TRIM72: variants seen among roughly 807,000 people sequenced by gnomAD.
TRIM72 encodes the protein tripartite motif-containing protein 72.
Under a neutral mutation model 31.6 loss-of-function variants are expected in TRIM72, and 33 were observed. The ratio of observed to expected loss-of-function variants is 1.04; its 90% CI spans 0.79 to 1.40. The LOEUF is 1.40. TRIM72 is among the 40% of genes most tolerant of loss of function. The pLI, the probability that TRIM72 is intolerant of heterozygous loss-of-function variation, is 0.00. For missense variants in TRIM72, 666 were observed against 682.7 expected, an observed-to-expected ratio of 0.98 and a Z score of 0.27; for synonymous variants, 301 against 314.4, an observed-to-expected ratio of 0.96 and a Z score of 0.45.
chr16:31,223,190 G>A (rs568824480), intron 6 of TRIM72, among the ~76,000 whole-genome samples: 63 of 152,294 alleles, frequency 4.1e-4, no homozygotes, highest in African/African-American at 1.5e-3. Flanking sequence ...ACGGGACGCT[G>A]GGGCCTAGGT....
chr16:31,224,106 T>C lies in TRIM72; in HGVS notation c.860-75T>C, dbSNP rs2079544757. On this transcript the variant is annotated intron_variant, in intron 6 of 6. Transcript: ENST00000322122. Reference sequence around the variant, plus strand: ...CCAAGAGGATTAGGGGAGAGAAAGCTGGCCTGCAATTGGTTGGGAGAAGAC... The same window carrying C: ...CCAAGAGGATTAGGGGAGAGAAAGCCGGCCTGCAATTGGTTGGGAGAAGAC... 5.3e-6 allele frequency: 8 copies of C among 1,507,060 alleles called. No homozygotes were observed. The East Asian group carries it at 1.7e-4, about 32-fold the overall frequency. 93.4% of individuals were successfully genotyped at this position (1,507,060 alleles called of 1,614,324 possible).
In TRIM72 at chr16:31,216,274, T is replaced by A. The variant is rs2079507851; in HGVS notation, c.390+1146T>A. On this transcript the variant is annotated intron_variant, in intron 2 of 6. Transcript: ENST00000322122. The surrounding 1 kb of genome is among the most constrained non-coding windows in gnomAD (Gnocchi z 6.7). ...AGCCCAGTCCTAGCTGGTGGTCTCC[T>A]AGCTCAGGGCAGGAGCCTCCTCCCG... 6.5e-6 allele frequency: 1 copy of A among 154,930 alleles called. No homozygotes were observed. Among genetic ancestry groups the A allele is most frequent in the Non-Finnish European group, 1.4e-5 (1 of 69,980 alleles). 9.6% of individuals were successfully genotyped at this position (154,930 alleles called of 1,614,324 possible). A position where few individuals can be genotyped will look rare whatever the true frequency, so the allele number is the denominator to read the frequency against.
At chr16:31,217,486 CAA>C (rs61369552) in intron 2 of TRIM72, 266 of 50,290 alleles carry the variant, frequency 5.3e-3, no homozygotes, top group African/African-American at 0.016. Context: ...ATCCTGTCTC[CAA>C]AAAAAAAAAA....
intron 4 of TRIM72, among the ~76,000 whole-genome samples, chr16:31,220,617 T>C (rs1246124431): frequency 2.0e-5 from 3 of 151,618 alleles, no homozygotes; most frequent in Non-Finnish European, 4.4e-5. Context: ...TACAGGTGCC[T>C]GCCACCATGC....
chr16:31,219,666 T>C lies in TRIM72; in HGVS notation c.717+147T>C. On this transcript the variant is annotated intron_variant, in intron 4 of 6. Coordinates refer to ENST00000322122, the MANE Select transcript of TRIM72 (RefSeq NM_001008274.4). The surrounding 1 kb of genome is among the most constrained non-coding windows in gnomAD (Gnocchi z 4.2). ...GGCAGGCCTCAGGACTGCTATATGG[T>C]TGTTTAGGTTGAGCACTGCATAAGG... is the stretch of plus-strand genomic sequence containing the variant. 1.4e-6 allele frequency: 1 copy of C among 707,588 alleles called. No homozygotes were observed. The highest frequency in any genetic ancestry group is 2.4e-6 in the Non-Finnish European group (1 of 409,278). The allele number at this position is 707,588 out of a possible 1,614,324, so 43.8% of individuals were successfully genotyped here. A position where few individuals can be genotyped will look rare whatever the true frequency, so the allele number is the denominator to read the frequency against.
intron 6 of TRIM72, among the ~76,000 whole-genome samples, chr16:31,223,947 A>G (rs959339181): frequency 9.9e-5 from 15 of 152,054 alleles, no homozygotes; most frequent in African/African-American, 3.6e-4. Flanking sequence ...AACAATAACA[A>G]CAACAAAAAC....
intron 2 of TRIM72, chr16:31,217,002 C>G (rs1230460451): frequency 1.2e-6 from 2 of 1,613,614 alleles, no homozygotes; most frequent in African/African-American, 2.7e-5. Context: ...CCAGCACCTT[C>G]AGGATGGCCT....
In TRIM72 at chr16:31,219,243, C is replaced by T; in HGVS notation, c.487-46C>T. On this transcript the variant is annotated intron_variant, in intron 3 of 6. Transcript: ENST00000322122. This position sits in a 1 kb window ranked among gnomAD's most constrained non-coding sequence, Gnocchi z 4.2. Reference sequence around the variant, plus strand: ...GGGCTGGGGGCCAGGCTAGGGGTCTCCAGCCAAGAGTCTTTATCCCTTCAA... The same window carrying T: ...GGGCTGGGGGCCAGGCTAGGGGTCTTCAGCCAAGAGTCTTTATCCCTTCAA... The T allele has an allele frequency of 1.2e-6, 2 of 1,614,004 alleles. No homozygotes were observed. The highest frequency in any genetic ancestry group is 1.7e-6 in the Non-Finnish European group (2 of 1,179,894).
At position 31,224,784 on chromosome 16, in the gene TRIM72, G is replaced by A. The variant is rs1456429606; in HGVS notation, c.*29G>A. 1.4e-6 allele frequency: 2 copies of A among 1,435,344 alleles called. No individual in the cohort carries two copies. Among genetic ancestry groups the A allele is most frequent in the South Asian group, 2.9e-5 (2 of 69,090 alleles). The allele number at this position is 1,435,344 out of a possible 1,614,324, so 88.9% of individuals were successfully genotyped here. ...GCCGGACGGGTAGTGGAGGGGCGCG[G>A]GGGCCTGGGTTGAAGCTTAGGTCTC... On this transcript the variant is annotated 3_prime_UTR_variant, in exon 7 of 7. Transcript: ENST00000322122.
In TRIM72 at chr16:31,229,690, C is replaced by T. The variant is rs1467994223; in HGVS notation, c.*4935C>T. 6.6e-6 allele frequency: 1 copy of T among 152,250 alleles called. No homozygotes were observed. Among genetic ancestry groups the T allele is most frequent in the African/African-American group, 2.4e-5 (1 of 41,456 alleles). 9.4% of individuals were successfully genotyped at this position (152,250 alleles called of 1,614,324 possible). ...TCCTCTCCACGGGAACGCTGGAAAC[C>T]CCCAGAAACTGGCTGCCAAGACATT... On this transcript the variant is annotated 3_prime_UTR_variant, in exon 7 of 7. Coordinates refer to ENST00000322122, the MANE Select transcript of TRIM72 (RefSeq NM_001008274.4).
chr16:31,217,148 C>A, intron 2 of TRIM72: 3 of 1,055,072 alleles, frequency 2.8e-6, no homozygotes, highest in Non-Finnish European at 4.0e-6. Context: ...TCTGGCAGCT[C>A]CTATTCAACC....
In TRIM72 at chr16:31,224,892, C is replaced by G; in HGVS notation, c.*137C>G. 3.3e-6 allele frequency: 3 copies of G among 914,968 alleles called. No individual in the cohort carries two copies. Among genetic ancestry groups the G allele is most frequent in the Non-Finnish European group, 4.6e-6 (3 of 648,906 alleles). 56.7% of individuals were successfully genotyped at this position (914,968 alleles called of 1,614,324 possible). A position where few individuals can be genotyped will look rare whatever the true frequency, so the allele number is the denominator to read the frequency against. On this transcript the variant is annotated 3_prime_UTR_variant, in exon 7 of 7. Transcript: ENST00000322122. Reference sequence around the variant, plus strand: ...GGGAACTGGGGGATCTCCCAGAATACTGACAAGCGTGGGGTAGGACTGGCT... The same window carrying G: ...GGGAACTGGGGGATCTCCCAGAATAGTGACAAGCGTGGGGTAGGACTGGCT...
chr16:31,224,008 C>T (rs1385927305), intron 6 of TRIM72, among the ~76,000 whole-genome samples, 173 bp from the exon 7 acceptor site: 2 of 152,204 alleles, frequency 1.3e-5, no homozygotes, highest in South Asian at 2.1e-4. Flanking sequence ...CAATCATGGC[C>T]TCATCTCACA....
At position 31,222,832 on chromosome 16, in the gene TRIM72, A is replaced by G. The variant is rs1314377489; in HGVS notation, c.746A>G (p.Gln249Arg). ...MKYCLVTSRL[Q>R]KILAESPPPA... ...CTTCCCCTCCCCACCCCCAGGCTGC[A>G]GAAGATCCTGGCAGAGTCTCCCCCA... Residue 249 changes from glutamine to arginine, a missense_variant, in exon 6 of 7, where the codon CAG becomes CGG. Transcript: ENST00000322122. 6.1e-6 allele frequency: 5 copies of G among 820,440 alleles called. No homozygotes were observed. The highest frequency in any genetic ancestry group is 1.6e-6 in the Non-Finnish European group (1 of 629,352). 50.8% of individuals were successfully genotyped at this position (820,440 alleles called of 1,614,324 possible).
rs1252154752 is a variant in TRIM72, at chr16:31,216,814, A to G, written c.390+1686A>G. On this transcript the variant is annotated intron_variant, in intron 2 of 6. Coordinates refer to ENST00000322122, the MANE Select transcript of TRIM72 (RefSeq NM_001008274.4). This position sits in a 1 kb window ranked among gnomAD's most constrained non-coding sequence, Gnocchi z 6.7. ...CTCCAACATGCGCATGTCGCGCAGCACGGCCACGACGAGCTCGGCTGCGTA... is the reference window on the plus strand; with the variant it reads ...CTCCAACATGCGCATGTCGCGCAGCGCGGCCACGACGAGCTCGGCTGCGTA... The G allele has an allele frequency of 6.2e-7, 1 of 1,612,132 alleles. No individual in the cohort carries two copies. The highest frequency in any genetic ancestry group is 8.5e-7 in the Non-Finnish European group (1 of 1,178,860).
At chr16:31,223,723 G>C (rs1378554197) in intron 6 of TRIM72, among the ~76,000 whole-genome samples, 1 of 152,018 alleles carries the variant, frequency 6.6e-6, no homozygotes, top group Admixed American at 6.6e-5. Context: ...GGGCAACATA[G>C]TGAGAACACC....
rs1265886017 is a variant in TRIM72, at chr16:31,215,502, C to T, written c.390+374C>T. ...GCGGCCCACGCTCGCATTCCTGCAC[C>T]CGGTGGGCCGTTCGGGCTGGCTCCC... On this transcript the variant is annotated intron_variant, in intron 2 of 6. Transcript: ENST00000322122. This position sits in a 1 kb window ranked among gnomAD's most constrained non-coding sequence, Gnocchi z 6.3. Among the ~76,000 whole-genome samples the T allele has an allele frequency of 1.3e-5, 2 of 152,186 alleles. No homozygotes were observed. Among genetic ancestry groups the T allele is most frequent in the African/African-American group, 4.8e-5 (2 of 41,452 alleles).
At chr16:31,218,005 C>G (rs1430591743) in intron 2 of TRIM72, among the ~76,000 whole-genome samples, 5 of 152,298 alleles carry the variant, frequency 3.3e-5, no homozygotes, top group Non-Finnish European at 7.3e-5. Context: ...GACAGGCTGA[C>G]TGAGGCTGAT....
chr16:31,223,118 C>T (rs967397973), intron 6 of TRIM72, among the ~76,000 whole-genome samples, 173 bp downstream of exon 6: 1 of 152,084 alleles, frequency 6.6e-6, no homozygotes, highest in Non-Finnish European at 1.5e-5. Flanking sequence ...GGGAGGAGGG[C>T]CTTTGAGAGC....
Sources: gnomAD v4.1 joint callset for allele counts (sites outside exome capture counted in the v4.1 genomes callset) on GRCh38, gnomAD v4.1.1 for gene constraint, Gnocchi (gnomAD v3.1) non-coding constraint, MANE v1.5 for transcripts, NCBI Gene and HGNC (gene_info 2026-07-23, HGNC 2026-07-21) for gene names.